The following SLC24A2 variants were observed in gnomAD, a reference collection of about 807,000 sequenced individuals.
The protein encoded by SLC24A2 is solute carrier family 24 member 2, also known as sodium/potassium/calcium exchanger 2.
A neutral mutation model predicts 62.0 loss-of-function variants in SLC24A2; 36 were observed. The ratio of observed to expected loss-of-function variants is 0.58; its 90% CI spans 0.44 to 0.77. The LOEUF (loss-of-function observed/expected upper bound fraction) is 0.77. SLC24A2 is among the 30% of genes least tolerant of loss of function. SLC24A2 has a pLI of 0.00. For synonymous variants in SLC24A2, 358 were observed against 294.0 expected, an observed-to-expected ratio of 1.22 and a Z score of -2.23; for missense variants, 846 against 817.9, an observed-to-expected ratio of 1.03 and a Z score of -0.42.
the SLC24A2 span, among the ~76,000 whole-genome samples, chr9:20,126,093 A>C: frequency 6.6e-6 from 1 of 152,184 alleles, no homozygotes; most frequent in African/African-American, 2.4e-5. Context: ...TTGTGTGTGT[A>C]GATAGTTGTC....
At chr9:19,889,869 C>T in the SLC24A2 span, among the ~76,000 whole-genome samples, 2 of 152,156 alleles carry the variant, frequency 1.3e-5, no homozygotes, top group East Asian at 1.9e-4. Flanking sequence ...TCATCAATAC[C>T]GGTTTTGAAA....
At chr9:19,696,407 G>C (rs1820192897) in intron 2 of SLC24A2, among the ~76,000 whole-genome samples, 1 of 152,136 alleles carries the variant, frequency 6.6e-6, no homozygotes, top group Admixed American at 6.5e-5. Flanking sequence ...ACTTGATGAG[G>C]GGCCTAGTAC....
chr9:19,782,824 C>G (rs545083689), intron 2 of SLC24A2, among the ~76,000 whole-genome samples: 1 of 152,108 alleles, frequency 6.6e-6, no homozygotes, highest in South Asian at 2.1e-4. Context: ...TCTCATTTTC[C>G]AATTAGGAAA....
chr9:19,576,164 T>C (rs1463200372), intron 6 of SLC24A2, among the ~76,000 whole-genome samples: 1 of 152,288 alleles, frequency 6.6e-6, no homozygotes, highest in East Asian at 1.9e-4. Context: ...TTGAGAGCAA[T>C]GCTGTTGAAT....
the SLC24A2 span, among the ~76,000 whole-genome samples, chr9:20,050,216 C>T: frequency 7.1e-5 from 8 of 112,152 alleles, no homozygotes; most frequent in African/African-American, 2.8e-4. Context: ...CCAGCCTGGC[C>T]AACATGGTGA....
chr9:20,019,155 A>AAGAGAG, the SLC24A2 span, among the ~76,000 whole-genome samples: 1,663 of 117,096 alleles, frequency 0.014, 105 homozygotes, highest in Non-Finnish European at 0.019. Flanking sequence ...GAAAGAAAGA[A>AAGAGAG]AGAGAGAGAG....
At chr9:19,759,912 C>T (rs1361377086) in intron 2 of SLC24A2, among the ~76,000 whole-genome samples, 2 of 152,088 alleles carry the variant, frequency 1.3e-5, no homozygotes, top group African/African-American at 4.8e-5. Flanking sequence ...AATAATGTGG[C>T]CTTTTAAAAT....
the SLC24A2 span, among the ~76,000 whole-genome samples, chr9:20,169,963 A>T: frequency 6.6e-6 from 1 of 152,006 alleles, no homozygotes; most frequent in Non-Finnish European, 1.5e-5. Context: ...TAAATATTCA[A>T]TGAAATAGAC....
the SLC24A2 span, among the ~76,000 whole-genome samples, chr9:19,830,578 A>G: frequency 2.0e-5 from 3 of 152,306 alleles, no homozygotes; most frequent in East Asian, 5.8e-4. Flanking sequence ...GGTATATTTC[A>G]GGGTAGAATG....
chr9:19,560,905 A>G (rs553530292), intron 7 of SLC24A2, among the ~76,000 whole-genome samples: 5,457 of 58,084 alleles, frequency 0.094, 110 homozygotes, highest in Admixed American at 0.12. Flanking sequence ...GTGTATATAT[A>G]TATATATATA....
the SLC24A2 span, among the ~76,000 whole-genome samples, chr9:20,226,492 T>G: frequency 6.6e-6 from 1 of 152,242 alleles, no homozygotes; most frequent in South Asian, 2.1e-4. Context: ...AAACCGTGGT[T>G]CACAACATGT....
At chr9:19,779,093 A>C (rs1363062381) in intron 2 of SLC24A2, among the ~76,000 whole-genome samples, 1 of 152,200 alleles carries the variant, frequency 6.6e-6, no homozygotes, top group South Asian at 2.1e-4. Context: ...GATATAAAGA[A>C]ATGACAAGAA....
the SLC24A2 span, among the ~76,000 whole-genome samples, chr9:19,943,047 T>C: frequency 0.45 from 69,138 of 151,988 alleles, 16,270 homozygotes; most frequent in Non-Finnish European, 0.52. Flanking sequence ...ATGAGGGTCT[T>C]AGAATATTAA....
the SLC24A2 span, among the ~76,000 whole-genome samples, chr9:19,878,814 T>G: frequency 6.6e-6 from 1 of 152,174 alleles, no homozygotes; most frequent in African/African-American, 2.4e-5. Flanking sequence ...TGTTTATAAA[T>G]TACCCAGTTT....
chr9:19,597,310 A>G (rs201425403), intron 4 of SLC24A2, 31 bp from the exon 5 acceptor site: 183 of 1,392,844 alleles, frequency 1.3e-4, no homozygotes, highest in Non-Finnish European at 1.8e-4. Flanking sequence ...ACACAAAGAT[A>G]AGGAACGAGC....
intron 2 of SLC24A2, among the ~76,000 whole-genome samples, chr9:19,622,791 G>A (rs559490048): frequency 6.6e-6 from 1 of 152,246 alleles, no homozygotes; most frequent in African/African-American, 2.4e-5. Context: ...GTTACTGGGG[G>A]ATGGGATTGC....
At chr9:20,250,732 TA>T in the SLC24A2 span, among the ~76,000 whole-genome samples, 3 of 151,868 alleles carry the variant, frequency 2.0e-5, no homozygotes, top group Admixed American at 6.6e-5. Flanking sequence ...TATCTTAATT[TA>T]AAAAAAAGAA....
At chr9:19,809,803 A>G in the SLC24A2 span, among the ~76,000 whole-genome samples, 1 of 152,022 alleles carries the variant, frequency 6.6e-6, no homozygotes, top group South Asian at 2.1e-4. Flanking sequence ...ACCTGACTAT[A>G]ACTTCCGTTG....
At chr9:19,890,385 C>A in the SLC24A2 span, among the ~76,000 whole-genome samples, 1 of 152,182 alleles carries the variant, frequency 6.6e-6, no homozygotes, top group Non-Finnish European at 1.5e-5. Flanking sequence ...AGGATGCCTA[C>A]CATATCCAAG....
Sources: gnomAD v4.1 joint callset for allele counts (sites outside exome capture counted in the v4.1 genomes callset) on GRCh38, gnomAD v4.1.1 for gene constraint, MANE v1.5 for transcripts, NCBI Gene and HGNC (gene_info 2026-07-23, HGNC 2026-07-21) for gene names.